Variants in PTPN13 observed in about 807,000 individuals in gnomAD.
PTPN13 encodes the protein tyrosine-protein phosphatase non-receptor type 13.
A neutral mutation model predicts 284.0 loss-of-function variants in PTPN13; 191 were observed. The ratio of observed to expected loss-of-function variants is 0.67; its 90% CI spans 0.60 to 0.76. The LOEUF (loss-of-function observed/expected upper bound fraction) is 0.76. Among genes scored for constraint, PTPN13 ranks in the 30% least tolerant of loss-of-function variants. The pLI is 0.00. For missense variants in PTPN13, 2,797 were observed against 2,939.9 expected (o/e 0.95, Z 1.12); for synonymous variants, 986 against 1,022.3 (o/e 0.96, Z 0.68).
chr4:86,642,515 C>T (rs1247916018), intron 2 of PTPN13, among the ~76,000 whole-genome samples: 6 of 123,322 alleles, frequency 4.9e-5, no homozygotes, highest in African/African-American at 1.9e-4. Flanking sequence ...TGCAGTGGTG[C>T]AATCTCGGCT....
intron 2 of PTPN13, among the ~76,000 whole-genome samples, chr4:86,649,904 A>G (rs1229525753): frequency 1.3e-5 from 2 of 152,226 alleles, no homozygotes; most frequent in Admixed American, 6.5e-5. Flanking sequence ...TAAACATTTA[A>G]GCAATATTGA....
intron 15 of PTPN13, among the ~76,000 whole-genome samples, chr4:86,739,758 T>A (rs1477129442): frequency 1.3e-5 from 2 of 152,224 alleles, no homozygotes; most frequent in Non-Finnish European, 2.9e-5. Flanking sequence ...GGCAAGTCCC[T>A]TCTGCCTATG....
chr4:86,673,947 TC>T (rs1368560074), intron 3 of PTPN13, among the ~76,000 whole-genome samples: 1 of 152,174 alleles, frequency 6.6e-6, no homozygotes, highest in African/African-American at 2.4e-5. Flanking sequence ...CCTCAAGTGA[TC>T]CGCCTGCCTC....
At chr4:86,734,914 G>GT (rs1565445783) in intron 14 of PTPN13, 39 bp downstream of exon 14, 1 of 1,591,570 alleles carries the variant, frequency 6.3e-7, no homozygotes, top group Non-Finnish European at 8.6e-7. Flanking sequence ...TTTTTGTTTG[G>GT]TGTTGTTACC....
At chr4:86,701,184 A>T (rs1434450748) in intron 6 of PTPN13, 57 bp from the exon 7 acceptor site, 2 of 1,308,192 alleles carry the variant, frequency 1.5e-6, no homozygotes, top group Non-Finnish European at 2.1e-6. Context: ...AGTGGATTAC[A>T]TTTCCATTTA....
At position 86,708,220 on chromosome 4, in the gene PTPN13, G is replaced by A. The variant is rs575677697; in HGVS notation, c.1195+6419G>A. On this transcript the variant is annotated intron_variant, in intron 7 of 47. Coordinates refer to ENST00000411767, the MANE Select transcript of PTPN13 (RefSeq NM_080683.3). The stretch of plus-strand genomic sequence containing the variant: ...GCTAGTAGTCACCATATTGGACAGT[G>A]CAGCTTTAGACTATTCCCATATGAT... Among the ~76,000 whole-genome samples, 7 of 152,258 alleles carry A rather than the reference G, an allele frequency of 4.6e-5. No individual in the cohort carries two copies. In the South Asian group the frequency reaches 1.5e-3, roughly 32 times the overall value.
chr4:86,628,630 C>A (rs1006139049), intron 1 of PTPN13, among the ~76,000 whole-genome samples: 3 of 121,542 alleles, frequency 2.5e-5, no homozygotes, highest in Non-Finnish European at 3.4e-5. Context: ...TTAGGTATAT[C>A]TCCCAATGCT....
At chr4:86,800,863 T>A (rs1358329326) in intron 42 of PTPN13, among the ~76,000 whole-genome samples, 1 of 152,234 alleles carries the variant, frequency 6.6e-6, no homozygotes, top group Admixed American at 6.5e-5. Flanking sequence ...CCTGTTGCAC[T>A]GACATGCAGT....
chr4:86,726,166 C>T, intron 10 of PTPN13, among the ~76,000 whole-genome samples: 1 of 149,292 alleles, frequency 6.7e-6, no homozygotes, highest in Non-Finnish European at 1.5e-5. Flanking sequence ...CTGTTCTGTT[C>T]CATTGGTCTA....
chr4:86,782,808 G>A (rs985949689), intron 37 of PTPN13, among the ~76,000 whole-genome samples: 1 of 152,062 alleles, frequency 6.6e-6, no homozygotes, highest in African/African-American at 2.4e-5. Context: ...GAAATCTAGG[G>A]GTGACTAAAC....
At chr4:86,676,662 C>T (rs934496029) in intron 3 of PTPN13, among the ~76,000 whole-genome samples, 2 of 152,076 alleles carry the variant, frequency 1.3e-5, no homozygotes, top group Non-Finnish European at 2.9e-5. Context: ...AATATACATA[C>T]AATGAATATC....
intron 40 of PTPN13, among the ~76,000 whole-genome samples, chr4:86,786,799 G>A (rs962475605): frequency 2.0e-5 from 3 of 151,942 alleles, no homozygotes; most frequent in Non-Finnish European, 4.4e-5. Context: ...ATCTTTAATT[G>A]CCATTTCAGA....
At chr4:86,789,664 T>TAA (rs144094616) in intron 40 of PTPN13, among the ~76,000 whole-genome samples, 1 of 151,420 alleles carries the variant, frequency 6.6e-6, no homozygotes, top group South Asian at 2.1e-4. Flanking sequence ...CTGACCACGA[T>TAA]AAAAAAAAAT....
intron 15 of PTPN13, among the ~76,000 whole-genome samples, chr4:86,736,343 A>G (rs1735505601): frequency 6.6e-6 from 1 of 152,324 alleles, no homozygotes; most frequent in East Asian, 1.9e-4. Context: ...TAAACTTCCA[A>G]TGCAAATAGC....
At chr4:86,799,867 T>G (rs13148807) in intron 42 of PTPN13, among the ~76,000 whole-genome samples, 13,342 of 132,434 alleles carry the variant, frequency 0.1, 781 homozygotes, top group Non-Finnish European at 0.11. Context: ...ACAGAGTCTC[T>G]CTCTGTCGTC....
chr4:86,675,879 T>C (rs1565296671), intron 3 of PTPN13, among the ~76,000 whole-genome samples: 1 of 152,196 alleles, frequency 6.6e-6, no homozygotes, highest in Non-Finnish European at 1.5e-5. Context: ...CCTGTTGTGC[T>C]TTCTGTTCAA....
chr4:86,630,305 A>G (rs557089293), intron 1 of PTPN13, among the ~76,000 whole-genome samples: 2 of 152,276 alleles, frequency 1.3e-5, no homozygotes, highest in Admixed American at 6.5e-5. Flanking sequence ...GAAAACTTAT[A>G]TAGTAAGACT....
intron 19 of PTPN13, among the ~76,000 whole-genome samples, 168 bp from the exon 20 acceptor site, chr4:86,752,841 C>T (rs1737547341): frequency 3.3e-5 from 5 of 152,248 alleles, no homozygotes; most frequent in Admixed American, 1.3e-4. Flanking sequence ...TGCTTAGCTA[C>T]TATTTAAAAT....
chr4:86,629,797 TGC>T (rs1436322494), intron 1 of PTPN13, among the ~76,000 whole-genome samples: 2 of 152,068 alleles, frequency 1.3e-5, no homozygotes, highest in African/African-American at 4.8e-5. Flanking sequence ...CTTGCTCTGT[TGC>T]CCAGGCTGGA....
Sources: gnomAD v4.1 joint callset for allele counts (sites outside exome capture counted in the v4.1 genomes callset) on GRCh38, gnomAD v4.1.1 for gene constraint, MANE v1.5 for transcripts, NCBI Gene and HGNC (gene_info 2026-07-23, HGNC 2026-07-21) for gene names.